PDE11A: variants seen among roughly 807,000 people sequenced by gnomAD.
The protein encoded by PDE11A is phosphodiesterase 11A.
In PDE11A, 100 loss-of-function variants were observed where a neutral mutation model predicts 100.5. That is an observed-to-expected ratio of 1.00 (90% CI 0.85 to 1.18). PDE11A has a LOEUF of 1.18. PDE11A is among the 50% of genes most tolerant of loss of function. The pLI, the probability that PDE11A is intolerant of heterozygous loss-of-function variation, is 0.00. For synonymous variants in PDE11A, 381 were observed against 420.8 expected (o/e 0.91, Z 1.16); for missense variants, 1,141 against 1,152.6 (o/e 0.99, Z 0.15).
chr2:177,715,653 T>A (rs1444767315), intron 12 of PDE11A, among the ~76,000 whole-genome samples: 1 of 152,202 alleles, frequency 6.6e-6, no homozygotes, highest in Non-Finnish European at 1.5e-5. Flanking sequence ...AAAAATTTTC[T>A]TGTTTGCTGC....
intron 9 of PDE11A, among the ~76,000 whole-genome samples, chr2:177,790,572 C>G (rs1487405740): frequency 6.6e-6 from 1 of 152,206 alleles, no homozygotes; most frequent in East Asian, 1.9e-4. Flanking sequence ...TTCTGCACAG[C>G]AAAAGAAACT....
intron 2 of PDE11A, among the ~76,000 whole-genome samples, chr2:177,977,325 A>C (rs892157228): frequency 4.7e-5 from 7 of 147,460 alleles, no homozygotes; most frequent in African/African-American, 1.7e-4. Context: ...AATCATGGGT[A>C]AACTCCCATT....
chr2:177,941,740 T>G (rs2085348777), intron 2 of PDE11A, among the ~76,000 whole-genome samples: 2 of 152,174 alleles, frequency 1.3e-5, no homozygotes, highest in Admixed American at 1.3e-4. Flanking sequence ...ATGTTCTACT[T>G]TAAGGAAGGA....
At chr2:178,087,740 G>C (rs1369494791) in intron 2 of PDE11A, among the ~76,000 whole-genome samples, 1 of 152,134 alleles carries the variant, frequency 6.6e-6, no homozygotes, top group Non-Finnish European at 1.5e-5. Context: ...AAAATAAAAT[G>C]AGAGTGTGGG....
chr2:177,894,438 G>T (rs1196117200), intron 4 of PDE11A, among the ~76,000 whole-genome samples: 1 of 152,050 alleles, frequency 6.6e-6, no homozygotes, highest in Non-Finnish European at 1.5e-5. Context: ...TGTTACAGGA[G>T]CTCATTCTCA....
At chr2:177,838,485 C>T (rs534901519) in intron 6 of PDE11A, among the ~76,000 whole-genome samples, 110 of 152,256 alleles carry the variant, frequency 7.2e-4, no homozygotes, top group Non-Finnish European at 1.3e-3. Flanking sequence ...TTTAGTCTAT[C>T]GTTCCTTCTC....
intron 15 of PDE11A, among the ~76,000 whole-genome samples, chr2:177,684,203 T>G (rs1401823444): frequency 6.6e-6 from 1 of 152,148 alleles, no homozygotes; most frequent in African/African-American, 2.4e-5. Context: ...ACATGATAAT[T>G]GGGTGTTACT....
intron 6 of PDE11A, among the ~76,000 whole-genome samples, chr2:177,822,846 T>C (rs11684953): frequency 0.37 from 55,935 of 151,908 alleles, 11,087 homozygotes; most frequent in African/African-American, 0.51. Context: ...CATGTTATTG[T>C]AAATAACAGT....
chr2:177,724,113 T>A (rs1198534516), intron 12 of PDE11A, among the ~76,000 whole-genome samples: 1 of 152,174 alleles, frequency 6.6e-6, no homozygotes. Flanking sequence ...CACTACCTAC[T>A]GTATTTGTCA....
intron 1 of PDE11A, among the ~76,000 whole-genome samples, chr2:178,066,719 G>T (rs2087049843): frequency 6.6e-6 from 1 of 152,184 alleles, no homozygotes; most frequent in Non-Finnish European, 1.5e-5. Context: ...GAAGTGCAAG[G>T]ATGTGGCCCT....
chr2:177,937,319 CT>C (rs33967413), intron 2 of PDE11A, among the ~76,000 whole-genome samples: 2,274 of 125,684 alleles, frequency 0.018, 38 homozygotes, highest in African/African-American at 0.055. Flanking sequence ...AAATTGAAAG[CT>C]TTTTTTTTTT....
At chr2:177,983,348 TTTG>T (rs1292424220) in intron 2 of PDE11A, among the ~76,000 whole-genome samples, 3 of 152,168 alleles carry the variant, frequency 2.0e-5, no homozygotes, top group Non-Finnish European at 2.9e-5. Context: ...ACCTGCTGTG[TTTG>T]TTAAGTGGGC....
rs569691294 is a variant in PDE11A at position 178,079,301 on chromosome 2, T to C, written c.162+25001A>G. 2.1e-4 allele frequency among the ~76,000 whole-genome samples: 31 copies of C among 150,404 alleles called. No homozygotes were observed. The South Asian group carries it at 6.1e-3, about 30-fold the overall frequency. ...GGGCTGCTCTCCCTCCCCCGTCCCC[T>C]TGATGGGCCCTAGTGTATGTTGTTC... On this transcript the variant is annotated intron_variant, in intron 2 of 20. Transcript: ENST00000358450.
At chr2:177,936,591 A>C (rs13386639) in intron 2 of PDE11A, among the ~76,000 whole-genome samples, 9,551 of 152,258 alleles carry the variant, frequency 0.063, 314 homozygotes, top group South Asian at 0.094. Flanking sequence ...ACTGTCTTGG[A>C]TTGGAAATTT....
intron 2 of PDE11A, among the ~76,000 whole-genome samples, chr2:177,985,527 C>A (rs1190727654): frequency 1.3e-5 from 2 of 152,188 alleles, no homozygotes; most frequent in Non-Finnish European, 2.9e-5. Flanking sequence ...GGATAATATT[C>A]TCTTCTCACT....
At chr2:178,080,032 T>C (rs926000817) in intron 2 of PDE11A, among the ~76,000 whole-genome samples, 8 of 152,204 alleles carry the variant, frequency 5.3e-5, no homozygotes, top group Non-Finnish European at 7.4e-5. Context: ...CCTTGTAGAC[T>C]CTGGATATTA....
At chr2:177,653,317 T>C (rs2080335820) in intron 19 of PDE11A, among the ~76,000 whole-genome samples, 1 of 152,194 alleles carries the variant, frequency 6.6e-6, no homozygotes, top group Non-Finnish European at 1.5e-5. Context: ...TCTCCTGACT[T>C]GGCAGTGGCT....
At chr2:177,693,748 G>A (rs1255838094) in intron 15 of PDE11A, among the ~76,000 whole-genome samples, 1 of 152,196 alleles carries the variant, frequency 6.6e-6, no homozygotes, top group East Asian at 1.9e-4. Flanking sequence ...GAAAGAGGAG[G>A]TGTGGGTTCC....
At chr2:177,936,757 C>T (rs900197634) in intron 2 of PDE11A, among the ~76,000 whole-genome samples, 3 of 152,054 alleles carry the variant, frequency 2.0e-5, no homozygotes, top group East Asian at 1.9e-4. Context: ...CCTGTCTCTA[C>T]TAAAAGTACA....
Sources: gnomAD v4.1 joint callset for allele counts (sites outside exome capture counted in the v4.1 genomes callset) on GRCh38, gnomAD v4.1.1 for gene constraint, MANE v1.5 for transcripts, NCBI Gene and HGNC (gene_info 2026-07-23, HGNC 2026-07-21) for gene names.